Variants in CFHR2 observed in about 807,000 individuals in gnomAD.
The protein encoded by CFHR2 is complement factor H-related protein 2.
Under a neutral mutation model 21.7 loss-of-function variants are expected in CFHR2, and 22 were observed. The ratio of observed to expected loss-of-function variants is 1.01; its 90% CI spans 0.72 to 1.45. The LOEUF (loss-of-function observed/expected upper bound fraction) is 1.45, where lower values mean the gene tolerates loss of function less well. Ranked by LOEUF, CFHR2 falls within the 40% of genes most tolerant of loss-of-function variation. The pLI, the probability that CFHR2 is intolerant of heterozygous loss-of-function variation, is 0.00. For missense variants in CFHR2, 294 were observed against 293.3 expected (o/e 1.00, Z -0.02); for synonymous variants, 98 against 97.4 (o/e 1.01, Z -0.04).
intron 3 of CFHR2, among the ~76,000 whole-genome samples, chr1:196,954,120 A>T (rs1194660164): frequency 6.6e-6 from 1 of 152,194 alleles, no homozygotes; most frequent in Non-Finnish European, 1.5e-5. Context: ...ATATTTAGTT[A>T]CCCATTTGGT....
intron 3 of CFHR2, among the ~76,000 whole-genome samples, chr1:196,956,376 T>A (rs918343898): frequency 6.6e-6 from 1 of 152,256 alleles, no homozygotes; most frequent in Non-Finnish European, 1.5e-5. Flanking sequence ...TGTATAGTAT[T>A]CGTTAGTTCT....
intron 4 of CFHR2, 106 bp downstream of exon 4, chr1:196,958,179 C>G: frequency 8.6e-7 from 1 of 1,156,146 alleles, no homozygotes; most frequent in South Asian, 1.6e-5. Flanking sequence ...AAGCATTCTG[C>G]TGAATGCTTG....
intron 3 of CFHR2, 144 bp downstream of exon 3, chr1:196,951,172 T>G: frequency 2.0e-6 from 2 of 1,006,640 alleles, no homozygotes; most frequent in Non-Finnish European, 1.4e-6. Context: ...GTTCCAATTG[T>G]GTCTAAGTGG....
chr1:196,957,287 G>T (rs908236789), intron 3 of CFHR2, among the ~76,000 whole-genome samples: 21 of 151,252 alleles, frequency 1.4e-4, no homozygotes, highest in African/African-American at 4.1e-4. Flanking sequence ...CTTGAGTCCT[G>T]AAGTCTCCAG....
intron 3 of CFHR2, among the ~76,000 whole-genome samples, chr1:196,953,520 C>T (rs1485698452): frequency 6.6e-6 from 1 of 152,200 alleles, no homozygotes; most frequent in Non-Finnish European, 1.5e-5. Flanking sequence ...CAACCTCAGG[C>T]GATCCACCAA....
intron 3 of CFHR2, among the ~76,000 whole-genome samples, chr1:196,952,699 G>A (rs143132101): frequency 1.2e-4 from 19 of 152,272 alleles, no homozygotes; most frequent in African/African-American, 4.6e-4. Flanking sequence ...AATATCCCGG[G>A]TTTAATTCAT....
At chr1:196,953,554 G>C (rs1376035661) in intron 3 of CFHR2, among the ~76,000 whole-genome samples, 2 of 152,058 alleles carry the variant, frequency 1.3e-5, no homozygotes, top group African/African-American at 4.8e-5. Flanking sequence ...AAGTGCTGAC[G>C]TAACAGTCAT....
intron 3 of CFHR2, among the ~76,000 whole-genome samples, chr1:196,955,956 C>A (rs1219798956): frequency 6.6e-6 from 1 of 152,174 alleles, no homozygotes; most frequent in African/African-American, 2.4e-5. Context: ...GCAGGCACTT[C>A]TTCACAAGGC....
rs1653031036 is a variant in CFHR2 at position 196,959,340 on chromosome 1, A to G, written c.*260A>G. 2 of 342,018 alleles carry G rather than the reference A, an allele frequency of 5.8e-6. No individual in the cohort carries two copies. Among genetic ancestry groups the G allele is most frequent in the South Asian group, 7.9e-5 (2 of 25,186 alleles). The allele number at this position is 342,018 out of a possible 1,614,324, so 21.2% of individuals were successfully genotyped here. A position where few individuals can be genotyped will look rare whatever the true frequency, so the allele number is the denominator to read the frequency against. On this transcript the variant is annotated 3_prime_UTR_variant, in exon 5 of 5. Transcript: ENST00000367415. The stretch of plus-strand genomic sequence containing the variant: ...TGACAATAACTGTATATATTCATGG[A>G]GTACATAGTAATGTTTCCATATATA...
At position 196,955,567 on chromosome 1, in the gene CFHR2, G is replaced by A. The variant is rs117143920; in HGVS notation, c.431-2324G>A. Among the ~76,000 whole-genome samples the A allele has an allele frequency of 7.8e-4, 119 of 152,262 alleles. 2 individuals are homozygous for A. The East Asian group carries it at 0.021, about 27-fold the overall frequency. The stretch of plus-strand genomic sequence containing the variant: ...GGTAATATATCAGTAAAATAGGTTT[G>A]GCCAGACATGGTGGCTCACACCTGT... On this transcript the variant is annotated intron_variant, in intron 3 of 4. Coordinates refer to ENST00000367415, the MANE Select transcript of CFHR2 (RefSeq NM_005666.4).
At chr1:196,947,920 G>T (rs1026060109) in intron 1 of CFHR2, among the ~76,000 whole-genome samples, 2 of 151,850 alleles carry the variant, frequency 1.3e-5, no homozygotes, top group Non-Finnish European at 2.9e-5. Context: ...AAGAGGAAGT[G>T]GTATATAGAA....
intron 3 of CFHR2, 64 bp from the exon 4 acceptor site, chr1:196,957,827 A>T (rs1337501983): frequency 1.4e-6 from 2 of 1,460,192 alleles, no homozygotes; most frequent in Non-Finnish European, 1.9e-6. Flanking sequence ...CCTTGTTTGC[A>T]TTTGCCTTAT....
rs1659491722 is a variant in CFHR2, at chr1:196,946,488, C to T, written c.58+2550C>T. Among the ~76,000 whole-genome samples, 5 of 152,092 alleles carry T rather than the reference C, an allele frequency of 3.3e-5. No individual in the cohort carries two copies. The South Asian group carries it at 1.0e-3, about 31-fold the overall frequency. ...GCTTAAAAAACATTGTAGAGATGTA[C>T]AAAAGATTTTTTCTTTCTGTTCTTG... On this transcript the variant is annotated intron_variant, in intron 1 of 4. Coordinates refer to ENST00000367415, the MANE Select transcript of CFHR2 (RefSeq NM_005666.4).
At chr1:196,958,729 C>T in intron 4 of CFHR2, 152 bp from the exon 5 acceptor site, 1 of 566,582 alleles carries the variant, frequency 1.8e-6, no homozygotes, top group South Asian at 2.4e-5. Context: ...TTTAAATTTA[C>T]TTAAATCTAT....
At position 196,947,881 on chromosome 1, in the gene CFHR2, C is replaced by T. The variant is rs115267136; in HGVS notation, c.59-1574C>T. Among the ~76,000 whole-genome samples the T allele has an allele frequency of 7.7e-3, 1,174 of 152,026 alleles. 19 individuals carry two copies. The highest frequency in any genetic ancestry group is 0.027 in the African/African-American group (1,109 of 41,460). On this transcript the variant is annotated intron_variant, in intron 1 of 4. Transcript: ENST00000367415. ...GAACTTTGGGTGATAATTATATTGA[C>T]GGTGAGGGAGGTTATGCATGTGGTA...
rs183530095 is a variant in CFHR2, at chr1:196,949,688, A to G, written c.253+39A>G. On this transcript the variant is annotated intron_variant, in intron 2 of 4. Transcript: ENST00000367415. ...CTGTTCATTAAATGGATGTCATTCA[A>G]TGAACAGAGAAGGATATGCCAGACA... 1.4e-3 allele frequency: 2,244 copies of G among 1,608,660 alleles called. 34 individuals carry two copies. In the African/African-American group the frequency reaches 0.027, roughly 19 times the overall value.
chr1:196,950,908 C>T lies in CFHR2; in HGVS notation c.310C>T (p.His104Tyr), dbSNP rs769062659. ...NGHSESSGQT[H>Y]LEGDTVQIIC... ...TCATTCTGAATCTTCAGGACAAACA[C>T]ATCTGGAAGGTGATACTGTACAAAT... Residue 104 changes from histidine (H) to tyrosine (Y), a missense_variant, in exon 3 of 5, where the codon CAT (histidine) becomes TAT (tyrosine). Coordinates refer to ENST00000367415, the MANE Select transcript of CFHR2 (RefSeq NM_005666.4). 4 of 1,614,008 alleles carry T rather than the reference C, an allele frequency of 2.5e-6. No homozygotes were observed. Among genetic ancestry groups the T allele is most frequent in the Non-Finnish European group, 3.4e-6 (4 of 1,179,956 alleles).
At chr1:196,951,933 C>T (rs570077991) in intron 3 of CFHR2, among the ~76,000 whole-genome samples, 5 of 152,158 alleles carry the variant, frequency 3.3e-5, no homozygotes, top group African/African-American at 1.2e-4. Flanking sequence ...TCTTAGTCAT[C>T]ACGGTCATGT....
chr1:196,946,990 A>C (rs1300881045), intron 1 of CFHR2, among the ~76,000 whole-genome samples: 1 of 152,218 alleles, frequency 6.6e-6, no homozygotes, highest in East Asian at 1.9e-4. Flanking sequence ...AATATATTAC[A>C]CTGCTATGTT....
Sources: allele counts gnomAD v4.1 joint callset (sites outside exome capture counted in the v4.1 genomes callset), GRCh38; gene constraint gnomAD v4.1.1; transcripts MANE v1.5; gene names NCBI Gene and HGNC (gene_info 2026-07-23, HGNC 2026-07-21).